Variants in PDGFRB observed in about 807,000 individuals in gnomAD.
PDGFRB encodes platelet-derived growth factor receptor beta.
In PDGFRB, 42 loss-of-function variants were observed where a neutral mutation model predicts 120.2. That is an observed-to-expected ratio of 0.35 (90% CI 0.27 to 0.45). PDGFRB has a LOEUF of 0.45. Ranked by LOEUF, PDGFRB falls within the 20% of genes least tolerant of loss-of-function variation. PDGFRB has a pLI of 1.00. For synonymous variants in PDGFRB, 586 were observed against 606.8 expected (o/e 0.97, Z 0.50); for missense variants, 1,149 against 1,476.3 (o/e 0.78, Z 3.63).
chr5:150,136,537 G>T (rs1195963258), intron 2 of PDGFRB, among the ~76,000 whole-genome samples: 2 of 152,182 alleles, frequency 1.3e-5, no homozygotes, highest in Non-Finnish European at 2.9e-5. Context: ...ATGGCCAGCT[G>T]CCGGGCAGGC....
rs759258072 is a variant in PDGFRB, at chr5:150,119,474, C to T, written c.2791G>A (p.Asp931Asn). Residue 931 changes from aspartate to asparagine, a missense_variant, in exon 20 of 23, where the codon GAC becomes AAC. By Grantham distance (23) the Asp-to-Asn change is conservative (BLOSUM62 1). Coordinates refer to ENST00000261799, the MANE Select transcript of PDGFRB (RefSeq NM_002609.4). The stretch of plus-strand genomic sequence containing the variant: ...GCATGAGACTCCACTCACATCTCGT[C>T]GGAGGCATGGGCAGGCTGGGCCATG... ...YRMAQPAHAS[D>N]EIYEIMQKCW... is the part of the protein sequence containing the mutation. The T allele has an allele frequency of 7.6e-6, 12 of 1,580,756 alleles. No homozygotes were observed. Among genetic ancestry groups the T allele is most frequent in the Admixed American group, 3.3e-5 (2 of 59,968 alleles).
At chr5:150,126,924 G>C (rs574045749) in intron 10 of PDGFRB, among the ~76,000 whole-genome samples, 1 of 152,338 alleles carries the variant, frequency 6.6e-6, no homozygotes, top group African/African-American at 2.4e-5. Flanking sequence ...CCTGTTCTGA[G>C]TTCCTGTCCA....
chr5:150,138,064 C>CTCCTCTAT (rs1760688144), intron 1 of PDGFRB, among the ~76,000 whole-genome samples: 1 of 151,948 alleles, frequency 6.6e-6, no homozygotes, highest in African/African-American at 2.4e-5. Context: ...ATGGGGTGGC[C>CTCCTCTAT]CTTGCTCTCC....
intron 9 of PDGFRB, 85 bp from the exon 10 acceptor site, chr5:150,130,053 G>T: frequency 9.2e-7 from 1 of 1,085,716 alleles, no homozygotes; most frequent in Non-Finnish European, 1.4e-6. Context: ...GAAGGAGGCA[G>T]GACGTGTCCA....
chr5:150,151,546 C>T (rs1043375336), intron 1 of PDGFRB, among the ~76,000 whole-genome samples: 1 of 152,204 alleles, frequency 6.6e-6, no homozygotes, highest in Admixed American at 6.5e-5. Context: ...TGACTCTGCG[C>T]ACTTTCTCAC....
intron 1 of PDGFRB, among the ~76,000 whole-genome samples, chr5:150,151,091 C>T (rs1330854251): frequency 2.0e-5 from 3 of 152,142 alleles, no homozygotes; most frequent in African/African-American, 4.8e-5. Flanking sequence ...TAGTGGTCAT[C>T]GATCCTGACC....
At position 150,125,526 on chromosome 5, in the gene PDGFRB, C is replaced by T. The variant is rs1760270523; in HGVS notation, c.1726G>A (p.Gly576Ser). 1.9e-6 allele frequency: 3 copies of T among 1,613,838 alleles called. No individual in the cohort carries two copies. The highest frequency in any genetic ancestry group is 2.5e-6 in the Non-Finnish European group (3 of 1,179,748). ...GGGTCCACGTAGATGTACTCATGGC[C>T]GTCAGAGCTCACAGACTCAATCACC... ...WKVIESVSSD[G>S]HEYIYVDPMQ... is the part of the protein sequence containing the mutation. The change falls in exon 12 of 23, where the codon GGC (glycine) becomes AGC (serine). Residue 576 changes from glycine (G) to serine (S), a missense_variant. Gly to Ser is a moderately conservative substitution (Grantham distance 56). This residue lies in a region of PDGFRB where 879 missense variants were observed against 1,108.6 expected (regional missense o/e 0.79). Coordinates refer to ENST00000261799, the MANE Select transcript of PDGFRB (RefSeq NM_002609.4).
chr5:150,148,488 T>C (rs922852841), intron 1 of PDGFRB, among the ~76,000 whole-genome samples: 1 of 152,160 alleles, frequency 6.6e-6, no homozygotes, highest in Non-Finnish European at 1.5e-5. Flanking sequence ...GATGAGCTGG[T>C]GAGGGCAGAA....
Position 150,124,669 on chromosome 5 carries a change from T to C in PDGFRB, c.1912+58A>G. On this transcript the variant is annotated intron_variant, in intron 13 of 22. Coordinates refer to ENST00000261799, the MANE Select transcript of PDGFRB (RefSeq NM_002609.4). ...GCCACCCTGGGAGAGGCTAAGTGTG[T>C]GGGGAGGGGCAGGGAGAGGTGAAGG... 4 of 814,772 alleles carry C rather than the reference T, an allele frequency of 4.9e-6. No homozygotes were observed. The South Asian group carries it at 6.3e-5, about 13-fold the overall frequency. The allele number at this position is 814,772 out of a possible 1,614,324, so 50.5% of individuals were successfully genotyped here. A position where few individuals can be genotyped will look rare whatever the true frequency, so the allele number is the denominator to read the frequency against.
intron 1 of PDGFRB, among the ~76,000 whole-genome samples, chr5:150,137,714 G>C (rs1312897168): frequency 6.6e-6 from 1 of 152,182 alleles, no homozygotes; most frequent in Admixed American, 6.5e-5. Flanking sequence ...GAGCAGCCAG[G>C]CCTCACAGGT....
Position 150,155,501 on chromosome 5 carries a change from C to A in PDGFRB, c.-111G>T. 1 of 398,360 alleles carries A rather than the reference C, an allele frequency of 2.5e-6. No individual in the cohort carries two copies. Among genetic ancestry groups the A allele is most frequent in the South Asian group, 1.3e-4 (1 of 7,826 alleles). The allele number at this position is 398,360 out of a possible 1,614,324, so 24.7% of individuals were successfully genotyped here. ...CCTCTCCCAGTTATCAGAAAGACTG[C>A]TGGTCCCAGAGTGGGTAACAGCTGA... On this transcript the variant is annotated 5_prime_UTR_variant, in exon 1 of 23. Coordinates refer to ENST00000261799, the MANE Select transcript of PDGFRB (RefSeq NM_002609.4).
chr5:150,132,006 G>T lies in PDGFRB; in HGVS notation c.1216C>A (p.Gln406Lys). ...TTGATCTGTAGCTGGAAGGAGAGCT[G>T]GACCTCAGCATCCTCATGGAAGGCC... ...MRAFHEDAEVQLSFQLQINVP... is the reference protein window; with the variant it reads ...MRAFHEDAEVKLSFQLQINVP... Residue 406 changes from glutamine to lysine, a missense_variant, in exon 8 of 23, where the codon CAG (glutamine) becomes AAG (lysine). Around this residue, in one of 3 missense-constraint regions of PDGFRB, gnomAD observed 879 missense variants for 1,108.6 expected, o/e 0.79. Coordinates refer to ENST00000261799, the MANE Select transcript of PDGFRB (RefSeq NM_002609.4). This position sits in a 1 kb window ranked among gnomAD's most constrained non-coding sequence, Gnocchi z 5.0. 6.2e-7 allele frequency: 1 copy of T among 1,600,646 alleles called. No individual in the cohort carries two copies. The highest frequency in any genetic ancestry group is 8.6e-7 in the Non-Finnish European group (1 of 1,167,722).
At chr5:150,116,810 AG>A (rs1759947756) in intron 22 of PDGFRB, among the ~76,000 whole-genome samples, 5 of 152,100 alleles carry the variant, frequency 3.3e-5, no homozygotes, top group Non-Finnish European at 7.4e-5. Context: ...TAGAGCAATG[AG>A]GGCCTTCGGA....
intron 1 of PDGFRB, among the ~76,000 whole-genome samples, chr5:150,144,364 G>C (rs572074894): frequency 3.9e-5 from 6 of 152,294 alleles, no homozygotes; most frequent in Non-Finnish European, 7.4e-5. Flanking sequence ...TCACAACTGA[G>C]GGAGGAAGGC....
rs761146704 is a variant in PDGFRB, at chr5:150,123,137, G to A, written c.2088C>T (p.Asn696=). The A allele has an allele frequency of 1.9e-6, 3 of 1,613,916 alleles. No homozygotes were observed. Among genetic ancestry groups the A allele is most frequent in the Middle Eastern group, 1.6e-4 (1 of 6,062 alleles). The part of the protein sequence containing the change: ...YGDLVDYLHR[N]KHTFLQHHSD... ...AGTGGTGCTGCAGGAAGGTGTGTTT[G>A]TTGCGGTGCAGGTAGTCCACCAGGT... is the stretch of plus-strand genomic sequence containing the variant. The change falls in exon 15 of 23, where the codon AAC becomes AAT. Residue 696 remains asparagine, a synonymous_variant. Coordinates refer to ENST00000261799, the MANE Select transcript of PDGFRB (RefSeq NM_002609.4).
At chr5:150,124,964 C>A in intron 12 of PDGFRB, 133 bp from the exon 13 acceptor site, 2 of 587,236 alleles carry the variant, frequency 3.4e-6, no homozygotes, top group Non-Finnish European at 6.1e-6. Context: ...AAGAGCCACT[C>A]TCTTAGGTCA....
At position 150,132,188 on chromosome 5, in the gene PDGFRB, G is replaced by C. The variant is rs953027185; in HGVS notation, c.1128-94C>G. 2.9e-6 allele frequency: 2 copies of C among 698,012 alleles called. No individual in the cohort carries two copies. The highest frequency in any genetic ancestry group is 5.1e-6 in the Non-Finnish European group (2 of 394,556). The allele number at this position is 698,012 out of a possible 1,614,324, so 43.2% of individuals were successfully genotyped here. On this transcript the variant is annotated intron_variant, in intron 7 of 22. Transcript: ENST00000261799. The surrounding 1 kb of genome is among the most constrained non-coding windows in gnomAD (Gnocchi z 5.0). The stretch of plus-strand genomic sequence containing the variant: ...AAAGAGGAACAAGGCCCAGGGAGGG[G>C]AAGGGCTTGCCAAGGTCATCTCGGC...
At chr5:150,127,618 G>A (rs1760330571) in intron 10 of PDGFRB, among the ~76,000 whole-genome samples, 2 of 152,022 alleles carry the variant, frequency 1.3e-5, no homozygotes, top group African/African-American at 4.8e-5. Context: ...GGCGGATCAC[G>A]AGGTCAGGAG....
At chr5:150,124,876 G>T (rs368668283) in intron 12 of PDGFRB, 45 bp from the exon 13 acceptor site, 30 of 963,986 alleles carry the variant, frequency 3.1e-5, no homozygotes, top group Admixed American at 4.3e-5. Flanking sequence ...CCAGGAAGCT[G>T]CACCGCTCCC....
Sources: allele counts gnomAD v4.1 joint callset (sites outside exome capture counted in the v4.1 genomes callset), GRCh38; gene constraint gnomAD v4.1.1; regional missense constraint gnomAD v4.1.1; non-coding constraint Gnocchi (gnomAD v3.1); transcripts MANE v1.5; gene names NCBI Gene and HGNC (gene_info 2026-07-23, HGNC 2026-07-21).